ANKFN1: variants seen among roughly 807,000 people sequenced by gnomAD.
ANKFN1 encodes ankyrin repeat and fibronectin type III domain containing 1.
Under a neutral mutation model 108.7 loss-of-function variants are expected in ANKFN1, and 74 were observed. The observed-to-expected ratio is 0.68, with a 90% CI of 0.56 to 0.83. ANKFN1 has a LOEUF of 0.83. Among genes scored for constraint, ANKFN1 ranks in the 40% least tolerant of loss-of-function variants. The probability of loss-of-function intolerance (pLI) is 0.00; values close to 1 mark genes in which losing one functional copy is unlikely to be tolerated. For missense variants in ANKFN1, 1,505 were observed against 1,382.3 expected, an observed-to-expected ratio of 1.09 and a Z score of -1.41; for synonymous variants, 547 against 516.2, an observed-to-expected ratio of 1.06 and a Z score of -0.81.
chr17:56,457,555 A>G (rs2049751141), intron 13 of ANKFN1, among the ~76,000 whole-genome samples, 166 bp downstream of exon 13: 1 of 152,228 alleles, frequency 6.6e-6, no homozygotes, highest in Non-Finnish European at 1.5e-5. Flanking sequence ...CATTTTAAAA[A>G]GCACCAAAGT....
chr17:56,365,742 G>A (rs1489085737), intron 6 of ANKFN1, among the ~76,000 whole-genome samples: 2 of 152,148 alleles, frequency 1.3e-5, no homozygotes, highest in African/African-American at 4.8e-5. Flanking sequence ...ACAGTGCAAT[G>A]CATTATTCAC....
chr17:56,280,334 A>G (rs2044045694), intron 3 of ANKFN1, among the ~76,000 whole-genome samples: 1 of 152,094 alleles, frequency 6.6e-6, no homozygotes. Context: ...GAACCCATAG[A>G]ATAAAAAGGC....
At chr17:56,059,548 G>C (rs1904938203) in intron 4 of ANKFN1, among the ~76,000 whole-genome samples, 1 of 152,074 alleles carries the variant, frequency 6.6e-6, no homozygotes, top group Non-Finnish European at 1.5e-5. Flanking sequence ...TTTTCTTCTA[G>C]GGTTTTTATG....
chr17:56,110,182 T>C lies in ANKFN1; in HGVS notation c.288+63857T>C, dbSNP rs2143246649. 2.6e-5 allele frequency among the ~76,000 whole-genome samples: 4 copies of C among 152,318 alleles called. No homozygotes were observed. In the Middle Eastern group the frequency reaches 0.01, roughly 389 times the overall value. On this transcript the variant is annotated intron_variant, in intron 4 of 12. Transcript: ENST00000635860. Reference sequence around the variant, plus strand: ...GTCCAGCCTCACTTTAAGCTAACCTTCTTCTTACTCTTGTGTTCTAGCCAC... The same window carrying C: ...GTCCAGCCTCACTTTAAGCTAACCTCCTTCTTACTCTTGTGTTCTAGCCAC...
chr17:56,373,487 TA>T (rs1296871050), intron 7 of ANKFN1, among the ~76,000 whole-genome samples: 2 of 152,214 alleles, frequency 1.3e-5, no homozygotes, highest in African/African-American at 4.8e-5. Context: ...TGTGAAATAT[TA>T]AACTCTCATT....
chr17:56,064,417 G>C (rs1905028239), intron 4 of ANKFN1, among the ~76,000 whole-genome samples: 1 of 152,232 alleles, frequency 6.6e-6, no homozygotes, highest in Admixed American at 6.5e-5. Flanking sequence ...TTCTGTCCCT[G>C]AGCCTCTGGC....
rs192227326 is a variant in ANKFN1 at position 56,405,885 on chromosome 17, C to T, written c.910+31171C>T. 6.6e-5 allele frequency among the ~76,000 whole-genome samples: 10 copies of T among 152,052 alleles called. No homozygotes were observed. In the South Asian group the frequency reaches 1.0e-3, roughly 16 times the overall value. On this transcript the variant is annotated intron_variant, in intron 8 of 20. Transcript: ENST00000682825. Reference sequence around the variant, plus strand: ...ATAAACTCTTGGAAGATGTATAGGACGCTAAGAACAACGGATATCTATGGT... The same window carrying T: ...ATAAACTCTTGGAAGATGTATAGGATGCTAAGAACAACGGATATCTATGGT...
intron 4 of ANKFN1, among the ~76,000 whole-genome samples, chr17:56,121,149 T>G (rs958451880): frequency 1.3e-5 from 2 of 152,058 alleles, no homozygotes; most frequent in Admixed American, 6.6e-5. Flanking sequence ...TACCCTTTCA[T>G]CTTTTTAATG....
intron 18 of ANKFN1, among the ~76,000 whole-genome samples, chr17:56,490,982 G>A (rs1202863986): frequency 6.6e-6 from 1 of 152,128 alleles, no homozygotes; most frequent in Admixed American, 6.6e-5. Flanking sequence ...GGGAATTGTA[G>A]GGTGGACAAA....
chr17:56,132,822 C>T (rs1418261128), intron 4 of ANKFN1, among the ~76,000 whole-genome samples: 2 of 152,056 alleles, frequency 1.3e-5, no homozygotes, highest in African/African-American at 4.8e-5. Flanking sequence ...CATAAGGGCA[C>T]TAATCCTATG....
intron 4 of ANKFN1, among the ~76,000 whole-genome samples, chr17:56,338,641 T>G (rs2045880322): frequency 2.0e-5 from 3 of 150,698 alleles, no homozygotes; most frequent in South Asian, 2.1e-4. Context: ...ACACTTGAGG[T>G]TTCTTTTTTT....
intron 1 of ANKFN1, among the ~76,000 whole-genome samples, chr17:56,168,976 T>A (rs1042966119): frequency 1.6e-4 from 24 of 152,190 alleles, no homozygotes; most frequent in African/African-American, 5.8e-4. Flanking sequence ...TGTTTTGTTT[T>A]CATTTTAATA....
intron 8 of ANKFN1, among the ~76,000 whole-genome samples, chr17:56,396,101 G>A (rs2047576296): frequency 7.0e-6 from 1 of 142,532 alleles, no homozygotes. Context: ...ACTAAAATGT[G>A]TGCAGCATCT....
chr17:56,395,773 C>G (rs937194344), intron 8 of ANKFN1, among the ~76,000 whole-genome samples: 1 of 152,050 alleles, frequency 6.6e-6, no homozygotes, highest in African/African-American at 2.4e-5. Flanking sequence ...CACTTGAACC[C>G]GGAAGGTGGA....
intron 8 of ANKFN1, among the ~76,000 whole-genome samples, chr17:56,411,851 G>A (rs1265344675): frequency 3.9e-5 from 6 of 152,072 alleles, no homozygotes; most frequent in African/African-American, 1.4e-4. Context: ...CTTCATCATG[G>A]TAAATTATAT....
intron 3 of ANKFN1, among the ~76,000 whole-genome samples, chr17:56,285,149 T>A (rs1004898946): frequency 1.3e-5 from 2 of 152,198 alleles, no homozygotes; most frequent in African/African-American, 4.8e-5. Context: ...AAAATTTTAA[T>A]TGAACCACAC....
chr17:56,244,896 A>G (rs1343500277), intron 3 of ANKFN1, among the ~76,000 whole-genome samples: 1 of 152,028 alleles, frequency 6.6e-6, no homozygotes, highest in Non-Finnish European at 1.5e-5. Context: ...TTTTTGTTCC[A>G]TTCAAATTTC....
chr17:56,047,226 C>G (rs28515601), intron 4 of ANKFN1, among the ~76,000 whole-genome samples: 16,432 of 152,126 alleles, frequency 0.11, 1,694 homozygotes, highest in African/African-American at 0.28. Context: ...TCTGGAGACA[C>G]AGGATCCCCC....
intron 4 of ANKFN1, among the ~76,000 whole-genome samples, chr17:56,136,917 G>C (rs1275410304): frequency 6.6e-6 from 1 of 152,126 alleles, no homozygotes; most frequent in Non-Finnish European, 1.5e-5. Flanking sequence ...CAAAAGATGG[G>C]GATTCTGTTG....
Sources: gnomAD v4.1 joint callset for allele counts (sites outside exome capture counted in the v4.1 genomes callset) on GRCh38, gnomAD v4.1.1 for gene constraint, MANE v1.5 for transcripts, NCBI Gene and HGNC (gene_info 2026-07-23, HGNC 2026-07-21) for gene names.